The following TET2 variants were observed in gnomAD, a reference collection of about 807,000 sequenced individuals.
TET2 encodes methylcytosine dioxygenase TET2.
A neutral mutation model predicts 142.9 loss-of-function variants in TET2; 299 were observed. The ratio of observed to expected loss-of-function variants is 2.09; its 90% CI spans 1.90 to 2.30. The LOEUF is 2.30. TET2 is among the 30% of genes most tolerant of loss of function. TET2 has a pLI of 0.00. For synonymous variants in TET2, 819 were observed against 849.0 expected (o/e 0.96, Z 0.61); for missense variants, 2,418 against 2,378.0 (o/e 1.02, Z -0.35).
At chr4:105,220,771 A>G (rs1167154264) in intron 2 of TET2, among the ~76,000 whole-genome samples, 1 of 152,174 alleles carries the variant, frequency 6.6e-6, no homozygotes, top group East Asian at 1.9e-4. Flanking sequence ...AAGGGCTCTC[A>G]CTGCACAGTA....
At chr4:105,162,233 C>G (rs1163538278) in intron 1 of TET2, among the ~76,000 whole-genome samples, 1 of 152,104 alleles carries the variant, frequency 6.6e-6, no homozygotes, top group South Asian at 2.1e-4. Flanking sequence ...CCCAGGTTAC[C>G]CTAATGCCTT....
rs1731224175 is a variant in TET2 at position 105,276,379 on chromosome 4, C to T, written c.5869C>T (p.His1957Tyr). ...AGTGAAACGGGAGCCTGCTGAGCCACATGAAACTTCAGAGCCCACTTACCT... is the reference window on the plus strand; with the variant it reads ...AGTGAAACGGGAGCCTGCTGAGCCATATGAAACTTCAGAGCCCACTTACCT... The part of the protein sequence containing the change: ...KKVKREPAEP[H>Y]ETSEPTYLRF... The change falls in exon 11 of 11, where the codon CAT becomes TAT. Residue 1957 changes from histidine (H) to tyrosine (Y), a missense_variant. Physicochemically the swap from His to Tyr is moderately conservative, Grantham distance 83. Coordinates refer to ENST00000380013, the MANE Select transcript of TET2 (RefSeq NM_001127208.3). 2 of 1,552,002 alleles carry T rather than the reference C, an allele frequency of 1.3e-6. No homozygotes were observed. Among genetic ancestry groups the T allele is most frequent in the Non-Finnish European group, 1.7e-6 (2 of 1,147,058 alleles).
At chr4:105,167,457 A>G (rs1279181533) in intron 1 of TET2, among the ~76,000 whole-genome samples, 1 of 152,136 alleles carries the variant, frequency 6.6e-6, no homozygotes, top group Non-Finnish European at 1.5e-5. Context: ...ATATGTGTGT[A>G]TGTATGTATA....
chr4:105,195,404 G>C (rs1207851293), intron 2 of TET2, among the ~76,000 whole-genome samples: 2 of 152,012 alleles, frequency 1.3e-5, no homozygotes, highest in African/African-American at 4.8e-5. Context: ...TGAAAGACTA[G>C]AAAAACAAGT....
intron 2 of TET2, among the ~76,000 whole-genome samples, chr4:105,219,496 G>A (rs1560530470): frequency 6.6e-6 from 1 of 152,078 alleles, no homozygotes; most frequent in Non-Finnish European, 1.5e-5. Flanking sequence ...TGTGTTACAA[G>A]GATTCCTGGT....
chr4:105,203,458 A>G (rs2110518223), intron 2 of TET2, among the ~76,000 whole-genome samples: 1 of 152,366 alleles, frequency 6.6e-6, no homozygotes, highest in Admixed American at 6.5e-5. Context: ...TGTGTCAGAC[A>G]AAGGTCTTTG....
In TET2 at chr4:105,261,994, C is replaced by T. The variant is rs1298221552; in HGVS notation, c.4044+146C>T. 1.4e-5 allele frequency: 8 copies of T among 577,726 alleles called. No individual in the cohort carries two copies. In the Middle Eastern group the frequency reaches 1.4e-3, roughly 101 times the overall value. The allele number at this position is 577,726 out of a possible 1,614,324, so 35.8% of individuals were successfully genotyped here. ...TTGAAACCACTGCAGTGTTCAGTTT[C>T]GAGTATATAAAAATTATACCATACA... On this transcript the variant is annotated intron_variant, in intron 8 of 10. Transcript: ENST00000380013.
chr4:105,156,937 G>T (rs573616869), intron 1 of TET2, among the ~76,000 whole-genome samples: 2 of 152,174 alleles, frequency 1.3e-5, no homozygotes, highest in Non-Finnish European at 2.9e-5. Context: ...TTGCTTTGAA[G>T]TTATAGAATT....
At position 105,234,180 on chromosome 4, in the gene TET2, C is replaced by T. The variant is rs2110220181; in HGVS notation, c.238C>T (p.Gln80Ter). The stretch of plus-strand genomic sequence containing the variant: ...TAGTCGTGTGAGTCCTGACTTTACA[C>T]AAGAAAGTAGAGGGTATTCCAAGTG... ...QNSRVSPDFT[Q>*]ESRGYSKCLQ... Residue 80 changes from glutamine to a stop codon, truncating the protein, a stop_gained, in exon 3 of 11, where the codon CAA becomes TAA. Transcript: ENST00000380013. LOFTEE classifies it high-confidence loss of function. 1 of 1,614,136 alleles carries T rather than the reference C, an allele frequency of 6.2e-7. No homozygotes were observed. Among genetic ancestry groups the T allele is most frequent in the Non-Finnish European group, 8.5e-7 (1 of 1,180,012 alleles).
At chr4:105,155,342 T>G (rs1050695633) in intron 1 of TET2, among the ~76,000 whole-genome samples, 1 of 152,230 alleles carries the variant, frequency 6.6e-6, no homozygotes, top group Admixed American at 6.5e-5. Context: ...GGAAATTGCT[T>G]TGCAGCAGTC....
At chr4:105,218,049 A>G (rs1727599408) in intron 2 of TET2, among the ~76,000 whole-genome samples, 1 of 152,238 alleles carries the variant, frequency 6.6e-6, no homozygotes, top group African/African-American at 2.4e-5. Context: ...TGTTTAAACA[A>G]AATTGTAAGT....
intron 1 of TET2, among the ~76,000 whole-genome samples, chr4:105,168,529 A>G (rs903900464): frequency 1.3e-5 from 2 of 151,928 alleles, no homozygotes; most frequent in African/African-American, 4.8e-5. Context: ...TAACCATTCT[A>G]TCTAACAGAA....
chr4:105,230,357 C>T (rs1166033033), intron 2 of TET2, among the ~76,000 whole-genome samples: 1 of 152,142 alleles, frequency 6.6e-6, no homozygotes, highest in Non-Finnish European at 1.5e-5. Flanking sequence ...CAGATAAATT[C>T]TTAAAAGGGT....
intron 1 of TET2, among the ~76,000 whole-genome samples, chr4:105,173,304 G>GC (rs987783961): frequency 3.4e-4 from 51 of 150,640 alleles, no homozygotes; most frequent in African/African-American, 1.2e-3. Flanking sequence ...CAGATCACGA[G>GC]CTCAGGAGTT....
intron 1 of TET2, among the ~76,000 whole-genome samples, chr4:105,163,838 AGAGAGAGAGAGAGAGAGTGTGTGTGT>A (rs1259817081): frequency 1.6e-5 from 2 of 121,316 alleles, no homozygotes; most frequent in African/African-American, 7.0e-5. Flanking sequence ...AGAGAGAGAG[AGAGAGAGAGAGAGAGAGTGTGTGTGT>A]GTGTGTGTGT....
At chr4:105,195,757 G>A (rs1409618531) in intron 2 of TET2, among the ~76,000 whole-genome samples, 1 of 152,128 alleles carries the variant, frequency 6.6e-6, no homozygotes, top group Non-Finnish European at 1.5e-5. Context: ...TGAATCCACA[G>A]ATGCTGGAAT....
intron 1 of TET2, among the ~76,000 whole-genome samples, chr4:105,149,379 A>G (rs1723192809): frequency 6.6e-6 from 1 of 152,214 alleles, no homozygotes; most frequent in Admixed American, 6.5e-5. Context: ...TATACTGAAA[A>G]TAGCTGCTAA....
At chr4:105,266,975 G>C (rs1036217382) in intron 8 of TET2, among the ~76,000 whole-genome samples, 16 of 151,718 alleles carry the variant, frequency 1.1e-4, no homozygotes, top group Non-Finnish European at 1.9e-4. Context: ...GTGATAAAGA[G>C]AAACTCAGAA....
At chr4:105,184,882 G>A (rs1009124278) in intron 1 of TET2, among the ~76,000 whole-genome samples, 10 of 152,192 alleles carry the variant, frequency 6.6e-5, no homozygotes, top group African/African-American at 2.4e-4. Flanking sequence ...CACAGAAGCA[G>A]CCAAAGCAGC....
Sources: allele counts gnomAD v4.1 joint callset (sites outside exome capture counted in the v4.1 genomes callset), GRCh38; gene constraint gnomAD v4.1.1; transcripts MANE v1.5; gene names NCBI Gene and HGNC (gene_info 2026-07-23, HGNC 2026-07-21).